The following ARVCF variants were observed in gnomAD, a reference collection of about 807,000 sequenced individuals.
The protein encoded by ARVCF is splicing regulator ARVCF.
ARVCF carries 66 observed loss-of-function variants against 90.9 expected under a neutral mutation model. That is an observed-to-expected ratio of 0.73 (90% CI 0.60 to 0.89). The LOEUF is 0.89. Among genes scored for constraint, ARVCF ranks in the 40% least tolerant of loss-of-function variants. The pLI is 0.00. For synonymous variants in ARVCF, 653 were observed against 603.4 expected, an observed-to-expected ratio of 1.08 and a Z score of -1.21; for missense variants, 1,469 against 1,382.3, an observed-to-expected ratio of 1.06 and a Z score of -1.00.
chr22:19,979,482 G>T (rs112715532), intron 6 of ARVCF: 6 of 586,312 alleles, frequency 1.0e-5, no homozygotes, highest in African/African-American at 5.6e-5. Flanking sequence ...TTTCTGTGGG[G>T]GCAGGAGGTG....
rs551346343 is a variant in ARVCF, at chr22:20,008,757, C to T, written c.-19+1698G>A. Among the ~76,000 whole-genome samples the T allele has an allele frequency of 2.0e-5, 3 of 152,334 alleles. No individual in the cohort carries two copies. In the East Asian group the frequency reaches 5.8e-4, roughly 29 times the overall value. Reference sequence around the variant, plus strand: ...AGCCAGAGCAGAGATGGCACAAATGCCATCACCCATCGCACCAGTGCCCAG... The same window carrying T: ...AGCCAGAGCAGAGATGGCACAAATGTCATCACCCATCGCACCAGTGCCCAG... On this transcript the variant is annotated intron_variant, in intron 2 of 19. Coordinates refer to ENST00000263207, the MANE Select transcript of ARVCF (RefSeq NM_001670.3).
Position 19,979,788 on chromosome 22 carries a change from G to GGCGCACCA in ARVCF, c.1343_1350dup (p.Leu451TrpfsTer5), listed in dbSNP as rs1943378092. ...TCGTTGTCCCGGGCAGCCCTCAGCA[G>GGCGCACCA]GCGCACCAGGGCAGGCACACCACCG... On this transcript the variant is annotated frameshift_variant, in exon 6 of 20. Transcript: ENST00000263207. LOFTEE classifies it high-confidence loss of function. 6.2e-7 allele frequency: 1 copy of GGCGCACCA among 1,608,376 alleles called. No individual in the cohort carries two copies. Among genetic ancestry groups the GGCGCACCA allele is most frequent in the African/African-American group, 1.3e-5 (1 of 74,860 alleles).
downstream of ARVCF, chr22:19,965,776 G>A (rs1049120672): frequency 1.3e-5 from 2 of 151,668 alleles, no homozygotes; most frequent in Admixed American, 1.3e-4. Flanking sequence ...CTGAACCCTG[G>A]CCGTGGAGAG....
downstream of ARVCF, chr22:19,968,524 G>C (rs766025497): frequency 1.9e-6 from 3 of 1,613,062 alleles, no homozygotes; most frequent in East Asian, 2.2e-5. Context: ...CCACCCCCCG[G>C]TCTGTTTGCA....
At chr22:20,010,007 T>C (rs930860485) in intron 2 of ARVCF, among the ~76,000 whole-genome samples, 6 of 152,238 alleles carry the variant, frequency 3.9e-5, no homozygotes, top group Admixed American at 3.3e-4. Flanking sequence ...TTTGTGTGCC[T>C]GGCCTCCAGG....
chr22:19,980,671 C>T (rs545057382), intron 5 of ARVCF: 18 of 194,216 alleles, frequency 9.3e-5, no homozygotes, highest in African/African-American at 3.9e-4. Context: ...TGGCCCTCTC[C>T]GCATGAAGCC....
chr22:19,991,691 C>T (rs886542687), intron 2 of ARVCF, among the ~76,000 whole-genome samples: 16 of 152,372 alleles, frequency 1.1e-4, no homozygotes, highest in African/African-American at 3.4e-4. Context: ...GCTTGGCAGC[C>T]GCAGAGACAA....
In ARVCF at chr22:19,979,752, G is replaced by A; in HGVS notation, c.1387C>T (p.Leu463Phe). 1 of 1,598,562 alleles carries A rather than the reference G, an allele frequency of 6.3e-7. No individual in the cohort carries two copies. The highest frequency in any genetic ancestry group is 8.5e-7 in the Non-Finnish European group (1 of 1,170,022). ...GCCAGGTCCCACTCACCAGTGACAA[G>A]CTCACGGACCTCGTTGTCCCGGGCA... ...RAARDNEVRE[L>F]VTGTLWNLSS... Residue 463 changes from leucine to phenylalanine, a missense_variant, in exon 6 of 20, where the codon CTT (leucine) becomes TTT (phenylalanine). Leu to Phe is a conservative substitution (Grantham distance 22). Coordinates refer to ENST00000263207, the MANE Select transcript of ARVCF (RefSeq NM_001670.3).
At chr22:19,968,743 C>CG, downstream of ARVCF, 2 of 1,607,958 alleles carry the variant, frequency 1.2e-6, no homozygotes, top group South Asian at 1.1e-5. Context: ...CTGACTGCCC[C>CG]CCCGGCCCCC....
At chr22:19,984,697 C>T (rs1033204329) in intron 3 of ARVCF, among the ~76,000 whole-genome samples, 1 of 152,222 alleles carries the variant, frequency 6.6e-6, no homozygotes, top group Non-Finnish European at 1.5e-5. Context: ...AAGGGCACGG[C>T]GCCCACTGTT....
At chr22:19,968,741 C>CG (rs759852947), downstream of ARVCF, 1 of 1,608,456 alleles carries the variant, frequency 6.2e-7, no homozygotes, top group Admixed American at 1.7e-5. Flanking sequence ...CCCTGACTGC[C>CG]CCCCCGGCCC....
chr22:19,990,803 C>A lies in ARVCF; in HGVS notation c.-9G>T. 1.3e-6 allele frequency: 2 copies of A among 1,548,986 alleles called. No homozygotes were observed. The highest frequency in any genetic ancestry group is 1.7e-6 in the Non-Finnish European group (2 of 1,144,462). ...ACATTGCAGTCCTCCATGACCAGAGCGCCCGCCAGCTGCAGGCAAAGCAGA... is the reference window on the plus strand; with the variant it reads ...ACATTGCAGTCCTCCATGACCAGAGAGCCCGCCAGCTGCAGGCAAAGCAGA... On this transcript the variant is annotated 5_prime_UTR_variant, in exon 3 of 20. Coordinates refer to ENST00000263207, the MANE Select transcript of ARVCF (RefSeq NM_001670.3).
chr22:19,993,216 A>G (rs1944096354), intron 2 of ARVCF, among the ~76,000 whole-genome samples: 1 of 151,944 alleles, frequency 6.6e-6, no homozygotes. Flanking sequence ...GCAACCCGGG[A>G]TATGCTCCAG....
chr22:19,971,471 C>T lies in ARVCF; in HGVS notation c.2782-136G>A, dbSNP rs146564702. 4.1e-3 allele frequency: 4,503 copies of T among 1,105,488 alleles called. 26 individuals carry two copies. Among genetic ancestry groups the T allele is most frequent in the African/African-American group, 0.024 (1,497 of 63,462 alleles). 68.5% of individuals were successfully genotyped at this position (1,105,488 alleles called of 1,614,324 possible). A position where few individuals can be genotyped will look rare whatever the true frequency, so the allele number is the denominator to read the frequency against. ...AGGACAGCACAGGTAGCACCAAGGGCGCAGGGAGCCGGAAACGTGTGGCTC... is the reference window on the plus strand; with the variant it reads ...AGGACAGCACAGGTAGCACCAAGGGTGCAGGGAGCCGGAAACGTGTGGCTC... On this transcript the variant is annotated intron_variant, in intron 18 of 19. Transcript: ENST00000263207.
rs183359867 is a variant in ARVCF, at chr22:19,985,994, C to T, written c.211-3903G>A. ...AAGCCCTTGGCCACCACAAAATGCC[C>T]TTTCCCTTGGTGCCACAGCCTCTGA... is the stretch of plus-strand genomic sequence containing the variant. On this transcript the variant is annotated intron_variant, in intron 3 of 19. Coordinates refer to ENST00000263207, the MANE Select transcript of ARVCF (RefSeq NM_001670.3). 1.9e-3 allele frequency among the ~76,000 whole-genome samples: 284 copies of T among 152,378 alleles called. 2 individuals carry two copies. In the Middle Eastern group the frequency reaches 0.027, roughly 15 times the overall value.
At chr22:19,979,457 T>C in intron 6 of ARVCF, 1 of 545,872 alleles carries the variant, frequency 1.8e-6, no homozygotes, top group African/African-American at 1.9e-5. Flanking sequence ...ACCAAGGAGG[T>C]GGGTCCCAGG....
At position 19,980,068 on chromosome 22, in the gene ARVCF, G is replaced by A. The variant is rs1039395134; in HGVS notation, c.1071C>T (p.Asp357=). ...TGGCCAGCACCTCAGGCAGCTCAGG[G>A]TCCCGCCAGCGCGGCTCCTTGCGGG... The part of the protein sequence containing the change: ...DSARKEPRWR[D]PELPEVLAML... Residue 357 remains aspartate (D), a synonymous_variant, in exon 6 of 20, where the codon GAC becomes GAT. Coordinates refer to ENST00000263207, the MANE Select transcript of ARVCF (RefSeq NM_001670.3). 1.9e-6 allele frequency: 3 copies of A among 1,582,734 alleles called. 1 individual carries two copies. The highest frequency in any genetic ancestry group is 3.7e-4 in the Middle Eastern group (2 of 5,420).
intron 8 of ARVCF, among the ~76,000 whole-genome samples, 167 bp downstream of exon 8, chr22:19,977,791 G>C (rs1262106883): frequency 6.6e-6 from 1 of 152,236 alleles, no homozygotes; most frequent in African/African-American, 2.4e-5. Flanking sequence ...TCTGCCTGCA[G>C]GACGGTGCCC....
intron 2 of ARVCF, among the ~76,000 whole-genome samples, chr22:19,997,855 C>A (rs1944309111): frequency 6.6e-6 from 1 of 152,238 alleles, no homozygotes; most frequent in Non-Finnish European, 1.5e-5. Context: ...TGGCCCATTG[C>A]CTCCACGGCT....
Sources: gnomAD v4.1 joint callset for allele counts (sites outside exome capture counted in the v4.1 genomes callset) on GRCh38, gnomAD v4.1.1 for gene constraint, MANE v1.5 for transcripts, NCBI Gene and HGNC (gene_info 2026-07-23, HGNC 2026-07-21) for gene names.